Variants in ASH1L observed in about 807,000 individuals in gnomAD.
The protein encoded by ASH1L is histone-lysine N-methyltransferase ASH1L.
In ASH1L, 23 loss-of-function variants were observed where a neutral mutation model predicts 269.0. The ratio of observed to expected loss-of-function variants is 0.09; its 90% confidence interval spans 0.06 to 0.12. The LOEUF is 0.12. Among genes scored for constraint, ASH1L ranks in the 10% least tolerant of loss-of-function variants. The pLI is 1.00. For synonymous variants in ASH1L, 1,187 were observed against 1,253.5 expected (o/e 0.95, Z 1.12); for missense variants, 2,912 against 3,567.8 (o/e 0.82, Z 4.68).
At chr1:155,450,003 T>C (rs1663351009) in intron 4 of ASH1L, among the ~76,000 whole-genome samples, 1 of 152,252 alleles carries the variant, frequency 6.6e-6, no homozygotes, top group Non-Finnish European at 1.5e-5. Context: ...ATAATGTTTA[T>C]CTTGCCTCCA....
At chr1:155,437,067 G>A (rs1297125528) in intron 5 of ASH1L, among the ~76,000 whole-genome samples, 2 of 151,924 alleles carry the variant, frequency 1.3e-5, no homozygotes, top group African/African-American at 2.4e-5. Context: ...ACTACCATAC[G>A]GTTTTGATTA....
intron 5 of ASH1L, among the ~76,000 whole-genome samples, chr1:155,430,700 A>G (rs1219086293): frequency 6.6e-6 from 1 of 152,052 alleles, no homozygotes. Flanking sequence ...ACTGTTATAC[A>G]TTTGCCTTAT....
chr1:155,384,629 C>G (rs968031693), intron 7 of ASH1L, among the ~76,000 whole-genome samples: 1 of 152,060 alleles, frequency 6.6e-6, no homozygotes, highest in African/African-American at 2.4e-5. Flanking sequence ...TCTCAAACTT[C>G]TGAGCTCAAG....
At chr1:155,353,656 T>C (rs1381508724) in intron 16 of ASH1L, among the ~76,000 whole-genome samples, 1 of 152,168 alleles carries the variant, frequency 6.6e-6, no homozygotes, top group African/African-American at 2.4e-5. Context: ...ATCTGATGGT[T>C]TGTGAGTACA....
intron 1 of ASH1L, among the ~76,000 whole-genome samples, chr1:155,533,550 TA>T (rs879679136): frequency 3.2e-3 from 447 of 140,202 alleles, no homozygotes; most frequent in Middle Eastern, 7.2e-3. Context: ...CGTCTCCACT[TA>T]AAAAAAAAAA....
intron 5 of ASH1L, among the ~76,000 whole-genome samples, chr1:155,424,722 T>A (rs1005838880): frequency 6.6e-6 from 1 of 152,206 alleles, no homozygotes; most frequent in African/African-American, 2.4e-5. Context: ...CAGTTAATTT[T>A]ATGATTAATG....
intron 2 of ASH1L, among the ~76,000 whole-genome samples, chr1:155,514,841 T>C (rs550430617): frequency 1.5e-4 from 23 of 152,000 alleles, no homozygotes; most frequent in African/African-American, 5.3e-4. Flanking sequence ...ACACGAGAAG[T>C]TGCCGAGGAA....
intron 10 of ASH1L, among the ~76,000 whole-genome samples, chr1:155,375,082 G>T (rs1656315250): frequency 6.6e-6 from 1 of 152,048 alleles, no homozygotes; most frequent in Non-Finnish European, 1.5e-5. Flanking sequence ...CCAAAGTGTT[G>T]GGATTACAGA....
intron 2 of ASH1L, among the ~76,000 whole-genome samples, chr1:155,509,820 T>C (rs1032529208): frequency 4.0e-5 from 6 of 151,816 alleles, no homozygotes; most frequent in African/African-American, 1.5e-4. Flanking sequence ...ATAATAATAA[T>C]AAGTGTTGGG....
chr1:155,537,794 T>C lies in ASH1L; in HGVS notation c.-99-16176A>G, dbSNP rs1428688946. ...ACTGAACTTCACCAAAACTATAAACTTCTGTCCTTCAAAAAGGCAGTACTA... is the reference window on the plus strand; with the variant it reads ...ACTGAACTTCACCAAAACTATAAACCTCTGTCCTTCAAAAAGGCAGTACTA... On this transcript the variant is annotated intron_variant, in intron 1 of 27. Coordinates refer to ENST00000392403, the MANE Select transcript of ASH1L (RefSeq NM_018489.3). Among the ~76,000 whole-genome samples the C allele has an allele frequency of 2.0e-5, 3 of 152,044 alleles. No homozygotes were observed. In the East Asian group the frequency reaches 5.8e-4, roughly 29 times the overall value.
chr1:155,538,090 T>C (rs922643240), intron 1 of ASH1L, among the ~76,000 whole-genome samples: 1 of 152,070 alleles, frequency 6.6e-6, no homozygotes, highest in Middle Eastern at 3.4e-3. Flanking sequence ...TGTGGCACCA[T>C]CTTGGCTCAC....
chr1:155,438,762 C>T lies in ASH1L; in HGVS notation c.5393G>A (p.Ser1798Asn), dbSNP rs372986558. ...SSCSPHHIKR[S>N]VVEAMQRQAR... ...TTGGCGTTGCATAGCTTCCACTACA[C>T]TTCTCTTGATATGATGGGGGGAACA... is the stretch of plus-strand genomic sequence containing the variant. The change falls in exon 5 of 28, where the codon AGT becomes AAT. Residue 1798 changes from serine to asparagine, a missense_variant. Coordinates refer to ENST00000392403, the MANE Select transcript of ASH1L (RefSeq NM_018489.3). The T allele has an allele frequency of 6.2e-7, 1 of 1,614,164 alleles. No individual in the cohort carries two copies. The highest frequency in any genetic ancestry group is 8.5e-7 in the Non-Finnish European group (1 of 1,180,042).
chr1:155,510,224 A>G (rs1467155964), intron 2 of ASH1L, among the ~76,000 whole-genome samples: 1 of 151,752 alleles, frequency 6.6e-6, no homozygotes, highest in Non-Finnish European at 1.5e-5. Flanking sequence ...GACCAGCCTG[A>G]CCAATTTGGA....
intron 13 of ASH1L, among the ~76,000 whole-genome samples, chr1:155,359,726 C>T (rs1216171944): frequency 3.9e-5 from 6 of 152,106 alleles, no homozygotes; most frequent in Admixed American, 6.6e-5. Context: ...CAGGCACATG[C>T]GACCACACTT....
chr1:155,528,687 C>T (rs1487550276), intron 1 of ASH1L, among the ~76,000 whole-genome samples: 1 of 152,036 alleles, frequency 6.6e-6, no homozygotes, highest in Non-Finnish European at 1.5e-5. Flanking sequence ...ACTCAAAGTC[C>T]ATTGATTTAT....
intron 2 of ASH1L, among the ~76,000 whole-genome samples, chr1:155,518,481 T>C (rs1316947502): frequency 4.6e-5 from 7 of 152,022 alleles, no homozygotes; most frequent in Admixed American, 4.6e-4. Flanking sequence ...GAAAATATTT[T>C]TAAAATCCTA....
Position 155,478,676 on chromosome 1 carries a change from T to G in ASH1L, c.4194A>C (p.Leu1398Phe). Residue 1398 changes from leucine (L) to phenylalanine (F), a missense_variant, in exon 3 of 28, where the codon TTA (leucine) becomes TTC (phenylalanine). Leu to Phe is a conservative substitution (Grantham distance 22). This residue lies in a region of ASH1L where 789 missense variants were observed against 897.6 expected (regional missense o/e 0.88). Coordinates refer to ENST00000392403, the MANE Select transcript of ASH1L (RefSeq NM_018489.3). The surrounding 1 kb of genome is among the most constrained non-coding windows in gnomAD (Gnocchi z 4.6). ...TGGGAGGATACCTTCCATAGTAACC[T>G]AATCCTATGGGAGCAGCTGTAAGGG... ...PSPLTAAPIG[L>F]GYYGRYPPTL... 1.2e-6 allele frequency: 2 copies of G among 1,613,890 alleles called. No homozygotes were observed. Among genetic ancestry groups the G allele is most frequent in the South Asian group, 2.2e-5 (2 of 91,076 alleles).
chr1:155,452,689 G>T (rs1663577661), intron 4 of ASH1L, among the ~76,000 whole-genome samples: 1 of 151,846 alleles, frequency 6.6e-6, no homozygotes, highest in South Asian at 2.1e-4. Flanking sequence ...CAAGTAGCTG[G>T]GACTACAGGT....
chr1:155,391,047 G>A (rs1284521203), intron 7 of ASH1L, among the ~76,000 whole-genome samples: 2 of 150,272 alleles, frequency 1.3e-5, no homozygotes, highest in Non-Finnish European at 3.0e-5. Context: ...CTGGGTTCAA[G>A]CGATTGTCCT....
Sources: gnomAD v4.1 joint callset for allele counts (sites outside exome capture counted in the v4.1 genomes callset) on GRCh38, gnomAD v4.1.1 for gene constraint, gnomAD v4.1.1 regional missense constraint, Gnocchi (gnomAD v3.1) non-coding constraint, MANE v1.5 for transcripts, NCBI Gene and HGNC (gene_info 2026-07-23, HGNC 2026-07-21) for gene names.